SV2C: variants seen among roughly 807,000 people sequenced by gnomAD.
SV2C encodes the protein synaptic vesicle glycoprotein 2C.
In SV2C, 49 loss-of-function variants were observed where a neutral mutation model predicts 79.7. The ratio of observed to expected loss-of-function variants is 0.61; its 90% CI spans 0.49 to 0.78. SV2C has a LOEUF of 0.78. Ranked by LOEUF, SV2C falls within the 30% of genes least tolerant of loss-of-function variation. The pLI, the probability that SV2C is intolerant of heterozygous loss-of-function variation, is 0.00. For synonymous variants in SV2C, 334 were observed against 333.2 expected (o/e 1.00, Z -0.03); for missense variants, 833 against 912.9 (o/e 0.91, Z 1.13).
At chr5:76,317,059 G>A (rs1187485274) in intron 12 of SV2C, among the ~76,000 whole-genome samples, 1 of 152,120 alleles carries the variant, frequency 6.6e-6, no homozygotes, top group Admixed American at 6.5e-5. Context: ...CATAGAATAT[G>A]TAAATTAGGA....
intron 1 of SV2C, among the ~76,000 whole-genome samples, chr5:76,110,349 A>G (rs963787099): frequency 6.6e-6 from 1 of 152,192 alleles, no homozygotes; most frequent in African/African-American, 2.4e-5. Flanking sequence ...GATGGTGGAC[A>G]GTATCACTTG....
the SV2C span, among the ~76,000 whole-genome samples, chr5:75,871,234 G>A: frequency 6.6e-6 from 1 of 152,136 alleles, no homozygotes; most frequent in African/African-American, 2.4e-5. Context: ...AAGTAGAAAT[G>A]AAATGAGGCT....
chr5:76,026,911 G>A, the SV2C span, among the ~76,000 whole-genome samples: 1 of 152,048 alleles, frequency 6.6e-6, no homozygotes, highest in Non-Finnish European at 1.5e-5. Context: ...CAGTTGGAGG[G>A]CTGGCATCCA....
chr5:76,104,303 C>T (rs1747834101), intron 1 of SV2C, among the ~76,000 whole-genome samples: 2 of 152,204 alleles, frequency 1.3e-5, no homozygotes, highest in South Asian at 4.1e-4. Context: ...AGAATTTCCT[C>T]AACTTATTTG....
chr5:75,947,127 G>A, the SV2C span, among the ~76,000 whole-genome samples: 1 of 152,004 alleles, frequency 6.6e-6, no homozygotes. Context: ...TTTCTAAAAT[G>A]AGAAGAGTTT....
chr5:75,873,323 A>C, the SV2C span, among the ~76,000 whole-genome samples: 1 of 152,180 alleles, frequency 6.6e-6, no homozygotes, highest in African/African-American at 2.4e-5. Flanking sequence ...ACAAATTTTC[A>C]ACATACATAC....
At chr5:76,173,590 T>G (rs771374565) in intron 2 of SV2C, 1 of 1,583,262 alleles carries the variant, frequency 6.3e-7, no homozygotes, top group Admixed American at 1.7e-5. Context: ...GGGCAACAGT[T>G]CTTCAGACCT....
the SV2C span, among the ~76,000 whole-genome samples, chr5:75,925,047 T>C: frequency 6.6e-6 from 1 of 152,066 alleles, no homozygotes; most frequent in Non-Finnish European, 1.5e-5. Flanking sequence ...CACCTGCCTA[T>C]AGATACTAAG....
At chr5:75,865,553 C>T in the SV2C span, among the ~76,000 whole-genome samples, 1 of 152,198 alleles carries the variant, frequency 6.6e-6, no homozygotes, top group Non-Finnish European at 1.5e-5. Flanking sequence ...GAGCTGTGAA[C>T]AGTACATCTG....
chr5:76,146,696 C>A (rs1749433402), intron 2 of SV2C, among the ~76,000 whole-genome samples: 1 of 151,058 alleles, frequency 6.6e-6, no homozygotes, highest in African/African-American at 2.4e-5. Context: ...TTTTACCCAG[C>A]TCCTATTCAA....
At chr5:76,034,226 T>A in the SV2C span, among the ~76,000 whole-genome samples, 1 of 151,934 alleles carries the variant, frequency 6.6e-6, no homozygotes, top group Admixed American at 6.6e-5. Flanking sequence ...TTTTCCTAAT[T>A]GAATACCCTT....
intron 2 of SV2C, among the ~76,000 whole-genome samples, chr5:76,169,144 T>C (rs994486077): frequency 7.9e-5 from 12 of 152,188 alleles, no homozygotes; most frequent in African/African-American, 2.2e-4. Context: ...GAATGAACAA[T>C]TATCCCATCA....
rs569388371 is a variant in SV2C, at chr5:76,130,305, C to G, written c.-101-1345C>G. Among the ~76,000 whole-genome samples the G allele has an allele frequency of 6.6e-5, 10 of 152,154 alleles. No homozygotes were observed. The East Asian group carries it at 1.9e-3, about 29-fold the overall frequency. On this transcript the variant is annotated intron_variant, in intron 1 of 12. Coordinates refer to ENST00000502798, the MANE Select transcript of SV2C (RefSeq NM_014979.4). ...AACGCAGCCTGTGAGAACCATACTC[C>G]TGTTTTGCCTACTGGGCATTTGTAG...
intron 2 of SV2C, among the ~76,000 whole-genome samples, chr5:76,146,619 C>G (rs980821443): frequency 6.6e-6 from 1 of 151,928 alleles, no homozygotes; most frequent in African/African-American, 2.4e-5. Context: ...TACAAACCTC[C>G]TATCTTATCC....
At chr5:75,931,157 G>A in the SV2C span, among the ~76,000 whole-genome samples, 2 of 152,100 alleles carry the variant, frequency 1.3e-5, no homozygotes, top group Non-Finnish European at 2.9e-5. Context: ...ACAATAATGA[G>A]CAAACCTTCC....
the SV2C span, among the ~76,000 whole-genome samples, chr5:75,947,679 C>A: frequency 6.6e-6 from 1 of 152,028 alleles, no homozygotes; most frequent in Non-Finnish European, 1.5e-5. Flanking sequence ...GCAGAGTGTA[C>A]CTCATTAGAG....
the SV2C span, among the ~76,000 whole-genome samples, chr5:75,967,385 C>T: frequency 2.3e-4 from 35 of 152,142 alleles, no homozygotes; most frequent in Non-Finnish European, 7.3e-5. Context: ...TCACCTCACC[C>T]GGGAAGCGCA....
In SV2C at chr5:76,142,903, C is replaced by CT. The variant is rs372569739; in HGVS notation, c.580+10582dup. On this transcript the variant is annotated intron_variant, in intron 2 of 12. Transcript: ENST00000502798. Reference sequence around the variant, plus strand: ...GGTATCTCTTCAACTTTTTCTTTTCCTTTTTTTTTGAGACGGAGTCTTGCT... The same window carrying CT: ...GGTATCTCTTCAACTTTTTCTTTTCCTTTTTTTTTTGAGACGGAGTCTTGCT... Among the ~76,000 whole-genome samples the CT allele has an allele frequency of 5.9e-5, 8 of 134,664 alleles. 1 individual carries two copies. The highest frequency in any genetic ancestry group is 2.2e-4 in the Admixed American group (3 of 13,344). 88.3% of individuals were successfully genotyped at this position (134,664 alleles called of 152,430 possible).
At chr5:76,083,292 G>A (rs1749199881), upstream of SV2C, 1 of 152,634 alleles carries the variant, frequency 6.6e-6, no homozygotes, top group Admixed American at 6.5e-5. Flanking sequence ...AGGGGGAGGA[G>A]GCAGGCGGAG....
Sources: gnomAD v4.1 joint callset for allele counts (sites outside exome capture counted in the v4.1 genomes callset) on GRCh38, gnomAD v4.1.1 for gene constraint, MANE v1.5 for transcripts, NCBI Gene and HGNC (gene_info 2026-07-23, HGNC 2026-07-21) for gene names.